MIER1: variants seen among roughly 807,000 people sequenced by gnomAD.
MIER1 encodes the protein mesoderm induction early response protein 1.
In MIER1, 40 loss-of-function variants were observed where a neutral mutation model predicts 75.7. The ratio of observed to expected loss-of-function variants is 0.53; its 90% CI spans 0.41 to 0.69. The LOEUF is 0.69. Ranked by LOEUF, MIER1 falls within the 30% of genes least tolerant of loss-of-function variation. MIER1 has a pLI of 0.00. For synonymous variants in MIER1, 213 were observed against 223.4 expected, an observed-to-expected ratio of 0.95 and a Z score of 0.42; for missense variants, 574 against 680.2, an observed-to-expected ratio of 0.84 and a Z score of 1.74.
intron 3 of MIER1, among the ~76,000 whole-genome samples, chr1:66,942,668 C>G (rs187327383): frequency 3.2e-4 from 48 of 151,268 alleles, no homozygotes; most frequent in African/African-American, 1.1e-3. Context: ...TTAGTTTGTT[C>G]TAAGGAACAA....
intron 2 of MIER1, among the ~76,000 whole-genome samples, chr1:66,939,303 ATAAAT>A (rs1375196447): frequency 3.3e-5 from 5 of 152,176 alleles, no homozygotes; most frequent in African/African-American, 4.8e-5. Context: ...CATTACTAAA[ATAAAT>A]TGCTACCAAT....
At chr1:66,925,995 G>T (rs944415455) in intron 1 of MIER1, 147 bp from the exon 2 acceptor site, 5 of 549,842 alleles carry the variant, frequency 9.1e-6, no homozygotes, top group Middle Eastern at 3.3e-4. Flanking sequence ...CATGACTTAA[G>T]GCTCATTAAA....
chr1:66,957,560 T>A (rs1660386066), intron 4 of MIER1, among the ~76,000 whole-genome samples: 1 of 151,952 alleles, frequency 6.6e-6, no homozygotes, highest in Non-Finnish European at 1.5e-5. Context: ...CATTATCATT[T>A]CTGTATATTA....
At chr1:66,964,152 ACCT>A (rs927356655) in intron 8 of MIER1, among the ~76,000 whole-genome samples, 1 of 148,866 alleles carries the variant, frequency 6.7e-6, no homozygotes, top group Non-Finnish European at 1.5e-5. Context: ...GCTCACTGCA[ACCT>A]CCACCTCCTG....
intron 4 of MIER1, among the ~76,000 whole-genome samples, chr1:66,951,426 G>T (rs988290251): frequency 6.6e-6 from 1 of 152,056 alleles, no homozygotes; most frequent in African/African-American, 2.4e-5. Context: ...ACTGAGTCTG[G>T]TCGGTTTATG....
intron 8 of MIER1, among the ~76,000 whole-genome samples, chr1:66,964,334 T>C (rs951646289): frequency 1.3e-5 from 2 of 151,770 alleles, no homozygotes; most frequent in Non-Finnish European, 2.9e-5. Context: ...CGGCCGCCCA[T>C]AGTGCTGGGA....
Position 66,986,070 on chromosome 1 carries a change from G to A in MIER1, c.*1170G>A, listed in dbSNP as rs1666744514. 1.9e-6 allele frequency: 2 copies of A among 1,028,736 alleles called. No individual in the cohort carries two copies. The highest frequency in any genetic ancestry group is 1.2e-6 in the Non-Finnish European group (1 of 858,582). 63.7% of individuals were successfully genotyped at this position (1,028,736 alleles called of 1,614,324 possible). Reference sequence around the variant, plus strand: ...AATAAACAGAGGAGGGGGGTCAAGTGATACTTAGATATTGGCACACACAAG... The same window carrying A: ...AATAAACAGAGGAGGGGGGTCAAGTAATACTTAGATATTGGCACACACAAG... On this transcript the variant is annotated 3_prime_UTR_variant, in exon 14 of 14. Coordinates refer to ENST00000401041, the MANE Select transcript of MIER1 (RefSeq NM_001077700.3).
chr1:66,930,162 T>A lies in MIER1; in HGVS notation c.168+3920T>A. ...GCGCGCGCGCCCCTGCTCCGGCGCG[T>A]GCTCGCTGGTCTTTTCCCTCCAGTC... On this transcript the variant is annotated intron_variant, in intron 2 of 13. Coordinates refer to ENST00000401041, the MANE Select transcript of MIER1 (RefSeq NM_001077700.3). 4 of 1,234,838 alleles carry A rather than the reference T, an allele frequency of 3.2e-6. No homozygotes were observed. In the South Asian group the frequency reaches 7.7e-5, roughly 24 times the overall value. The allele number at this position is 1,234,838 out of a possible 1,614,324, so 76.5% of individuals were successfully genotyped here. A position where few individuals can be genotyped will look rare whatever the true frequency, so the allele number is the denominator to read the frequency against.
intron 1 of MIER1, 27 bp from the exon 2 acceptor site, chr1:66,926,115 A>G (rs373259192): frequency 1.9e-6 from 3 of 1,573,592 alleles, no homozygotes; most frequent in African/African-American, 2.7e-5. Context: ...TCTCCTTGCT[A>G]CTGAGGCTCT....
At position 66,980,802 on chromosome 1, in the gene MIER1, A is replaced by G. The variant is rs1489428597; in HGVS notation, c.1230-977A>G. Among the ~76,000 whole-genome samples, 4 of 152,078 alleles carry G rather than the reference A, an allele frequency of 2.6e-5. No individual in the cohort carries two copies. The East Asian group carries it at 7.7e-4, about 29-fold the overall frequency. On this transcript the variant is annotated intron_variant, in intron 12 of 13. Transcript: ENST00000401041. ...CTTGGGGAATTCTAGTGCAGTATCTAGTATCAGCAAACTTTTTCTGTAACA... is the reference window on the plus strand; with the variant it reads ...CTTGGGGAATTCTAGTGCAGTATCTGGTATCAGCAAACTTTTTCTGTAACA...
chr1:66,945,668 C>T (rs1657452410), intron 3 of MIER1, among the ~76,000 whole-genome samples: 1 of 152,092 alleles, frequency 6.6e-6, no homozygotes, highest in African/African-American at 2.4e-5. Flanking sequence ...TCAAGACCAG[C>T]CAGGGCAACA....
rs1666999004 is a variant in MIER1, at chr1:66,987,996, T to G, written c.*3096T>G. Reference sequence around the variant, plus strand: ...TTTTGTAGTGGAGTTCATATCACATTATGTTTTGCAAAATAAAACTTGTTT... The same window carrying G: ...TTTTGTAGTGGAGTTCATATCACATGATGTTTTGCAAAATAAAACTTGTTT... On this transcript the variant is annotated 3_prime_UTR_variant, in exon 14 of 14. Transcript: ENST00000401041. 1 of 152,316 alleles carries G rather than the reference T, an allele frequency of 6.6e-6. No individual in the cohort carries two copies. Among genetic ancestry groups the G allele is most frequent in the Non-Finnish European group, 1.5e-5 (1 of 68,008 alleles). 9.4% of individuals were successfully genotyped at this position (152,316 alleles called of 1,614,324 possible).
intron 12 of MIER1, among the ~76,000 whole-genome samples, chr1:66,978,069 G>A (rs771226293): frequency 6.6e-6 from 1 of 151,808 alleles, no homozygotes; most frequent in Non-Finnish European, 1.5e-5. Flanking sequence ...GGTGGTGCAC[G>A]CCTATAGTCT....
chr1:66,983,769 C>G (rs1292333276), intron 13 of MIER1, among the ~76,000 whole-genome samples: 1 of 152,110 alleles, frequency 6.6e-6, no homozygotes, highest in Non-Finnish European at 1.5e-5. Flanking sequence ...GCTTTGTCGC[C>G]CAGGCTGGAA....
At chr1:66,967,908 T>C (rs1314525609) in intron 8 of MIER1, among the ~76,000 whole-genome samples, 1 of 152,104 alleles carries the variant, frequency 6.6e-6, no homozygotes, top group African/African-American at 2.4e-5. Context: ...CGTCTTTAGG[T>C]TTTTCCAAAT....
At chr1:66,937,989 T>C (rs567201814) in intron 2 of MIER1, among the ~76,000 whole-genome samples, 1 of 152,330 alleles carries the variant, frequency 6.6e-6, no homozygotes, top group South Asian at 2.1e-4. Flanking sequence ...GATATGCCTT[T>C]AAATCAGTCA....
chr1:66,964,729 G>A (rs1294399274), intron 8 of MIER1, among the ~76,000 whole-genome samples: 2 of 152,152 alleles, frequency 1.3e-5, no homozygotes, highest in Non-Finnish European at 2.9e-5. Flanking sequence ...TGGGATTATA[G>A]GCATGAGCCA....
At chr1:66,932,786 A>G (rs1298422433) in intron 2 of MIER1, 1 of 152,080 alleles carries the variant, frequency 6.6e-6, no homozygotes. Flanking sequence ...GAGGGGGAAA[A>G]CAGGTTATTG....
intron 2 of MIER1, among the ~76,000 whole-genome samples, chr1:66,929,711 T>G (rs1187576825): frequency 6.6e-6 from 1 of 152,210 alleles, no homozygotes; most frequent in Non-Finnish European, 1.5e-5. Context: ...GACATGAGGA[T>G]GGCGGACTGC....
Sources: allele counts gnomAD v4.1 joint callset (sites outside exome capture counted in the v4.1 genomes callset), GRCh38; gene constraint gnomAD v4.1.1; transcripts MANE v1.5; gene names NCBI Gene and HGNC (gene_info 2026-07-23, HGNC 2026-07-21).